Variants in SDK1 observed in about 807,000 individuals in gnomAD.
The protein encoded by SDK1 is protein sidekick-1.
A neutral mutation model predicts 245.5 loss-of-function variants in SDK1; 157 were observed. The ratio of observed to expected loss-of-function variants is 0.64; its 90% confidence interval spans 0.56 to 0.73. The LOEUF (loss-of-function observed/expected upper bound fraction) is 0.73, where lower values mean the gene tolerates loss of function less well. Among genes scored for constraint, SDK1 ranks in the 30% least tolerant of loss-of-function variants. SDK1 has a pLI of 0.00. For missense variants in SDK1, 3,583 were observed against 3,002.3 expected (o/e 1.19, Z -4.52); for synonymous variants, 1,647 against 1,278.5 (o/e 1.29, Z -6.15).
rs10660112 is a variant in SDK1 at position 4,087,479 on chromosome 7, G to GCACACACACACA, written c.3324+7903_3324+7914dup. Among the ~76,000 whole-genome samples, 4 of 150,362 alleles carry GCACACACACACA rather than the reference G, an allele frequency of 2.7e-5. No homozygotes were observed. In the South Asian group the frequency reaches 6.3e-4, roughly 24 times the overall value. ...TGTGTGTGCACAGACACACACGCGC[G>GCACACACACACA]CACACACACACACACACACGCATTG... On this transcript the variant is annotated intron_variant, in intron 22 of 44. Transcript: ENST00000404826.
chr7:3,301,520 G>A lies in SDK1; in HGVS notation c.-67G>A, dbSNP rs1007722698. 1.8e-5 allele frequency: 10 copies of A among 561,040 alleles called. No homozygotes were observed. In the African/African-American group the frequency reaches 2.1e-4, roughly 12 times the overall value. The allele number at this position is 561,040 out of a possible 1,614,324, so 34.8% of individuals were successfully genotyped here. A position where few individuals can be genotyped will look rare whatever the true frequency, so the allele number is the denominator to read the frequency against. ...TCCCGCGGAGTGGCCGCGCCCGCTC[G>A]GAGCCGTCCCGCCTGTCCTGCCCGC... On this transcript the variant is annotated 5_prime_UTR_variant, in exon 1 of 45. Coordinates refer to ENST00000404826, the MANE Select transcript of SDK1 (RefSeq NM_152744.4).
chr7:4,077,185 C>A lies in SDK1; in HGVS notation c.3198C>A (p.Pro1066=). ...VTSSTISSGV[P]PDLPGAPSNL... ...CATCCACCATTTCTTCTGGAGTGCCCCCAGGTCAGTAGAATCGTGTGCGGT... is the reference window on the plus strand; with the variant it reads ...CATCCACCATTTCTTCTGGAGTGCCACCAGGTCAGTAGAATCGTGTGCGGT... The change falls in exon 21 of 45, where the codon CCC becomes CCA. Residue 1066 remains proline (P), a synonymous_variant. Transcript: ENST00000404826. 1 of 1,613,938 alleles carries A rather than the reference C, an allele frequency of 6.2e-7. No homozygotes were observed. The highest frequency in any genetic ancestry group is 1.1e-5 in the South Asian group (1 of 91,002).
chr7:3,884,050 T>G (rs1781273803), intron 5 of SDK1, among the ~76,000 whole-genome samples: 1 of 140,014 alleles, frequency 7.1e-6, no homozygotes, highest in Non-Finnish European at 1.5e-5. Context: ...GGTTTTTTGT[T>G]TGTTTGTTTG....
chr7:3,336,440 A>T (rs12540305), intron 1 of SDK1, among the ~76,000 whole-genome samples: 91,972 of 151,936 alleles, frequency 0.61, 28,797 homozygotes, highest in African/African-American at 0.78. Context: ...TTAGGGCCAT[A>T]TCCAGCCCCC....
intron 4 of SDK1, among the ~76,000 whole-genome samples, chr7:3,697,675 G>A (rs965361724): frequency 6.6e-6 from 1 of 152,154 alleles, no homozygotes; most frequent in Non-Finnish European, 1.5e-5. Flanking sequence ...TTCTAAAGCT[G>A]ATGTGGTTTA....
At chr7:4,102,142 G>A (rs1782593257) in intron 22 of SDK1, among the ~76,000 whole-genome samples, 2 of 152,200 alleles carry the variant, frequency 1.3e-5, no homozygotes, top group Admixed American at 1.3e-4. Context: ...ACAGCGTCGA[G>A]TCCCCTGCCG....
At chr7:3,346,757 G>A (rs1017683582) in intron 1 of SDK1, among the ~76,000 whole-genome samples, 7 of 125,912 alleles carry the variant, frequency 5.6e-5, no homozygotes, top group Admixed American at 9.0e-5. Flanking sequence ...ATATGTGTGT[G>A]TGTATATATG....
intron 4 of SDK1, among the ~76,000 whole-genome samples, chr7:3,655,049 C>CTTTTTTTT (rs10663969): frequency 2.1e-5 from 3 of 144,308 alleles, no homozygotes. Flanking sequence ...TCATAGCTTG[C>CTTTTTTTT]TTTTTTTTTT....
intron 1 of SDK1, among the ~76,000 whole-genome samples, chr7:3,421,199 G>A (rs1282290252): frequency 6.6e-6 from 1 of 151,202 alleles, no homozygotes; most frequent in East Asian, 2.0e-4. Context: ...AGCCTCCTGA[G>A]TAGCTGGGAC....
At position 3,358,431 on chromosome 7, in the gene SDK1, T is replaced by G. The variant is rs1248355717; in HGVS notation, c.298+56547T>G. 7.3e-3 allele frequency among the ~76,000 whole-genome samples: 271 copies of G among 37,084 alleles called. 2 individuals are homozygous for G. In the African/African-American group the frequency reaches 0.084, roughly 12 times the overall value. The allele number at this position is 37,084 out of a possible 152,430, so 24.3% of individuals were successfully genotyped here. On this transcript the variant is annotated intron_variant, in intron 1 of 44. Coordinates refer to ENST00000404826, the MANE Select transcript of SDK1 (RefSeq NM_152744.4). ...AGCAATTAGCTAATCATTACAACGTTTTTTTTTTTTTTCTTGTTTTGTTTT... is the reference window on the plus strand; with the variant it reads ...AGCAATTAGCTAATCATTACAACGTGTTTTTTTTTTTTCTTGTTTTGTTTT...
At chr7:3,568,033 C>G (rs1779983648) in intron 1 of SDK1, among the ~76,000 whole-genome samples, 2 of 152,076 alleles carry the variant, frequency 1.3e-5, no homozygotes, top group South Asian at 4.2e-4. Context: ...GTTGTCCAGG[C>G]TGGTCTCAAA....
At chr7:3,513,532 G>A (rs1373417111) in intron 1 of SDK1, among the ~76,000 whole-genome samples, 1 of 152,142 alleles carries the variant, frequency 6.6e-6, no homozygotes, top group Non-Finnish European at 1.5e-5. Context: ...GTGGCCAACA[G>A]ATGAAGGAAT....
chr7:4,213,891 C>T (rs868318444), intron 38 of SDK1, among the ~76,000 whole-genome samples: 2 of 152,192 alleles, frequency 1.3e-5, no homozygotes, highest in South Asian at 2.1e-4. Context: ...TCAGCATGTC[C>T]CGCTTACATG....
At chr7:3,313,911 T>A (rs753144678) in intron 1 of SDK1, among the ~76,000 whole-genome samples, 2 of 152,244 alleles carry the variant, frequency 1.3e-5, no homozygotes, top group African/African-American at 4.8e-5. Flanking sequence ...ACAATAAATA[T>A]ATACAAATTT....
intron 1 of SDK1, among the ~76,000 whole-genome samples, chr7:3,604,612 T>C (rs1426131242): frequency 1.3e-5 from 2 of 148,714 alleles, no homozygotes; most frequent in African/African-American, 2.5e-5. Context: ...CTTTTTTTTT[T>C]TTTTTTTGAG....
In SDK1 at chr7:4,012,856, C is replaced by T. The variant is rs574235454; in HGVS notation, c.2420+621C>T. 5.9e-5 allele frequency among the ~76,000 whole-genome samples: 9 copies of T among 152,126 alleles called. No individual in the cohort carries two copies. The South Asian group carries it at 6.2e-4, about 11-fold the overall frequency. On this transcript the variant is annotated intron_variant, in intron 16 of 44. Coordinates refer to ENST00000404826, the MANE Select transcript of SDK1 (RefSeq NM_152744.4). ...CCCAATCCTCAGCTGGGATTACAGG[C>T]GTGAGGCACTGCACCTGGCCTCATT...
intron 38 of SDK1, among the ~76,000 whole-genome samples, chr7:4,218,392 CA>C (rs571075302): frequency 6.6e-4 from 88 of 132,704 alleles, no homozygotes; most frequent in African/African-American, 1.0e-3. Flanking sequence ...GACTCCGTCT[CA>C]AAAAAAAAAA....
chr7:3,741,581 A>G (rs1779475449), intron 4 of SDK1, among the ~76,000 whole-genome samples: 1 of 152,210 alleles, frequency 6.6e-6, no homozygotes, highest in Non-Finnish European at 1.5e-5. Context: ...CTTTAATACT[A>G]CAGATTTGTG....
intron 22 of SDK1, among the ~76,000 whole-genome samples, chr7:4,086,774 G>GCGTACT (rs2128181881): frequency 6.6e-6 from 1 of 152,256 alleles, no homozygotes; most frequent in East Asian, 1.9e-4. Context: ...ACATAAGGCA[G>GCGTACT]CGTACTCATG....
Sources: allele counts gnomAD v4.1 joint callset (sites outside exome capture counted in the v4.1 genomes callset), GRCh38; gene constraint gnomAD v4.1.1; transcripts MANE v1.5; gene names NCBI Gene and HGNC (gene_info 2026-07-23, HGNC 2026-07-21).